RPL31: variants seen among roughly 807,000 people sequenced by gnomAD.
RPL31 encodes ribosomal protein L31, also known as large ribosomal subunit protein eL31.
For synonymous variants in RPL31, 51 were observed against 55.0 expected (o/e 0.93, Z 0.32); for missense variants, 95 against 164.0 (o/e 0.58, Z 2.30).
rs758526432 is a variant in RPL31, at chr2:101,002,711, G to A, written c.10G>A (p.Ala4Thr). The change falls in exon 2 of 5, where the codon GCA (alanine) becomes ACA (threonine). Residue 4 changes from alanine (A) to threonine (T), a missense_variant. Ala to Thr is a moderately conservative substitution (Grantham distance 58). Transcript: ENST00000264258. The part of the protein sequence containing the change: MAP[A>T]KKGGEKKKGR... ...TGTCGCCTGCATTTAGATGGCTCCC[G>A]CAAAGAAGGGTGGCGAGAAGAAAAA... is the stretch of plus-strand genomic sequence containing the variant. 1 of 1,613,842 alleles carries A rather than the reference G, an allele frequency of 6.2e-7. No individual in the cohort carries two copies. The highest frequency in any genetic ancestry group is 1.1e-5 in the South Asian group (1 of 91,076).
At position 101,019,007 on chromosome 2, in the gene RPL31, TA is replaced by T. The variant is rs773286932; in HGVS notation, c.359del (p.Asn120ThrfsTer18). Reference sequence around the variant, plus strand: ...AATATTTCTGTGCTAGTTTCTGTGCTAAACAGTGTTACAGTCGCCAAGAGCC... The same window carrying T: ...AATATTTCTGTGCTAGTTTCTGTGCTAACAGTGTTACAGTCGCCAAGAGCC... On this transcript the variant is annotated frameshift_variant, in exon 5 of 5. Coordinates refer to the RPL31 transcript ENST00000409028. LOFTEE classifies it high-confidence loss of function. 5.5e-5 allele frequency: 88 copies of T among 1,612,600 alleles called. No homozygotes were observed. The highest frequency in any genetic ancestry group is 7.0e-5 in the Non-Finnish European group (82 of 1,179,444).
At chr2:101,002,917 G>T in intron 2 of RPL31, 109 bp downstream of exon 2, 1 of 771,660 alleles carries the variant, frequency 1.3e-6, no homozygotes, top group Non-Finnish European at 2.2e-6. Context: ...GGCCTTCCCT[G>T]TTTCATTCAT....
At chr2:101,011,131 A>G, downstream of RPL31, 1 of 1,087,052 alleles carries the variant, frequency 9.2e-7, no homozygotes, top group East Asian at 2.4e-5. Flanking sequence ...GAATTCCACT[A>G]AGCAAATTCC....
At chr2:101,010,591 C>A (rs540346090), downstream of RPL31, among the ~76,000 whole-genome samples, 1 of 152,208 alleles carries the variant, frequency 6.6e-6, no homozygotes, top group African/African-American at 2.4e-5. Context: ...TCTGAAAAAA[C>A]AGTTAATTCT....
At chr2:101,007,615 G>C (rs1194419111), downstream of RPL31, 5 of 575,752 alleles carry the variant, frequency 8.7e-6, no homozygotes, top group East Asian at 1.4e-4. Flanking sequence ...GGGAACCAAT[G>C]GATACCTTAG....
rs755845851 is a variant in RPL31 at position 101,004,211 on chromosome 2, T to C, written c.161T>C (p.Met54Thr). 2.5e-6 allele frequency: 4 copies of C among 1,614,068 alleles called. No individual in the cohort carries two copies. The highest frequency in any genetic ancestry group is 3.4e-6 in the Non-Finnish European group (4 of 1,179,952). ...CTCAAAGAGATTCGGAAATTTGCCA[T>C]GAAGGAGATGGGAACTCCAGATGTG... ...RALKEIRKFA[M>T]KEMGTPDVRI... The change falls in exon 3 of 5, where the codon ATG (methionine) becomes ACG (threonine). Residue 54 changes from methionine to threonine, a missense_variant. Physicochemically the swap from Met to Thr is moderately conservative, Grantham distance 81. Transcript: ENST00000264258.
chr2:101,009,102 G>A (rs1030194032), downstream of RPL31, among the ~76,000 whole-genome samples: 1 of 151,936 alleles, frequency 6.6e-6, no homozygotes, highest in African/African-American at 2.4e-5. Context: ...ATAGAAAAAT[G>A]GTTGGGTATG....
intron 4 of RPL31, chr2:101,018,881 T>C (rs1679846841): frequency 7.5e-7 from 1 of 1,336,690 alleles, no homozygotes; most frequent in Admixed American, 2.2e-5. Context: ...AAATGGCCAA[T>C]ATCCGTAGGT....
chr2:101,006,296 T>C (rs1678732541), intron 4 of RPL31, 54 bp from the exon 5 acceptor site: 5 of 1,587,360 alleles, frequency 3.1e-6, no homozygotes, highest in East Asian at 2.2e-5. Context: ...GTTTTTAGAG[T>C]TGAAATATGA....
chr2:101,006,613 ATATTGT>A lies in RPL31; in HGVS notation c.*235_*240del, dbSNP rs1215837756. The A allele has an allele frequency of 1.6e-5, 7 of 437,412 alleles. No homozygotes were observed. The highest frequency in any genetic ancestry group is 2.8e-5 in the Non-Finnish European group (7 of 249,814). The allele number at this position is 437,412 out of a possible 1,614,324, so 27.1% of individuals were successfully genotyped here. On this transcript the variant is annotated 3_prime_UTR_variant, in exon 5 of 5. Transcript: ENST00000264258. ...TCTGGGTAGTTGGGATACTGAAGGC[ATATTGT>A]TAATTATTCTACTTGTATGTTTTGC...
downstream of RPL31, chr2:101,007,363 G>GAAAC (rs1319510625): frequency 1.3e-5 from 2 of 157,428 alleles, no homozygotes; most frequent in East Asian, 1.8e-4. Flanking sequence ...TACCAGCATT[G>GAAAC]AAACAGTGCA....
chr2:101,010,061 C>T (rs188212756), downstream of RPL31, among the ~76,000 whole-genome samples: 2,987 of 151,976 alleles, frequency 0.02, 106 homozygotes, highest in African/African-American at 0.069. Context: ...CTTCTGACCT[C>T]GTAATCCACC....
At chr2:101,003,226 C>CT (rs529726856) in intron 2 of RPL31, among the ~76,000 whole-genome samples, 102 of 152,296 alleles carry the variant, frequency 6.7e-4, no homozygotes, top group African/African-American at 2.1e-3. Context: ...AATTTTTACC[C>CT]TTTTTTTCCC....
downstream of RPL31, among the ~76,000 whole-genome samples, chr2:101,009,406 CAAAAAAAAA>C (rs70943054): frequency 2.0e-5 from 2 of 97,762 alleles, no homozygotes; most frequent in East Asian, 7.0e-4. Context: ...ACTCTGTCTC[CAAAAAAAAA>C]AAAAAAAAGA....
At chr2:101,007,579 C>T (rs1371758567), downstream of RPL31, 9 of 500,458 alleles carry the variant, frequency 1.8e-5, no homozygotes, top group Admixed American at 7.2e-5. Flanking sequence ...TCAGCAAATC[C>T]GGTAAAAATT....
chr2:101,008,060 C>G, downstream of RPL31: 2 of 1,613,924 alleles, frequency 1.2e-6, no homozygotes, highest in Middle Eastern at 1.7e-4. Flanking sequence ...TTCCCAGTGT[C>G]TGCAAAAACC....
chr2:101,016,305 CA>C (rs1679631858), intron 4 of RPL31, among the ~76,000 whole-genome samples: 1 of 151,898 alleles, frequency 6.6e-6, no homozygotes, highest in South Asian at 2.1e-4. Flanking sequence ...TTTATGCAGC[CA>C]AAAGACACAT....
At position 101,002,870 on chromosome 2, in the gene RPL31, G is replaced by A. The variant is rs17025161; in HGVS notation, c.107+62G>A. On this transcript the variant is annotated intron_variant, in intron 2 of 4. Transcript: ENST00000264258. ...ACGCGTCTGGTTGTTACCGAGAGAT[G>A]TGCCGAATCACCTCCACCCCAATCT... The A allele has an allele frequency of 6.7e-3, 8,135 of 1,211,786 alleles. 388 individuals are homozygous for A. In the African/African-American group the frequency reaches 0.1, roughly 15 times the overall value. The allele number at this position is 1,211,786 out of a possible 1,614,324, so 75.1% of individuals were successfully genotyped here.
chr2:101,016,859 A>G (rs929986782), intron 4 of RPL31, among the ~76,000 whole-genome samples: 14 of 151,480 alleles, frequency 9.2e-5, no homozygotes, highest in African/African-American at 3.2e-4. Flanking sequence ...TCACTCATAG[A>G]TGGGAATTGA....
Sources: allele counts gnomAD v4.1 joint callset (sites outside exome capture counted in the v4.1 genomes callset), GRCh38; gene constraint gnomAD v4.1.1; transcripts MANE v1.5; gene names NCBI Gene and HGNC (gene_info 2026-07-23, HGNC 2026-07-21).